ENG: variants seen among roughly 807,000 people sequenced by gnomAD.
ENG encodes the protein CD105 antigen.
In ENG, 17 loss-of-function variants were observed where a neutral mutation model predicts 71.0. The ratio of observed to expected loss-of-function variants is 0.24; its 90% confidence interval spans 0.16 to 0.36. The LOEUF (loss-of-function observed/expected upper bound fraction) is 0.36, where lower values mean the gene tolerates loss of function less well. ENG is among the 10% of genes least tolerant of loss of function. ENG has a pLI of 1.00. For missense variants in ENG, 749 were observed against 868.3 expected (o/e 0.86, Z 1.73); for synonymous variants, 360 against 366.9 (o/e 0.98, Z 0.21).
intron 2 of ENG, among the ~76,000 whole-genome samples, chr9:127,835,653 C>CAG (rs1431841897): frequency 6.6e-6 from 1 of 152,156 alleles, no homozygotes; most frequent in Non-Finnish European, 1.5e-5. Context: ...CCATGGCCAT[C>CAG]CAGTCCTACT....
intron 2 of ENG, among the ~76,000 whole-genome samples, chr9:127,842,683 A>G (rs973170624): frequency 6.6e-6 from 1 of 152,110 alleles, no homozygotes; most frequent in Non-Finnish European, 1.5e-5. Context: ...TCGGCCTCCT[A>G]AAGTGCTGGA....
chr9:127,854,253 G>A lies in ENG; in HGVS notation c.67+36C>T, dbSNP rs772017029. On this transcript the variant is annotated intron_variant, in intron 1 of 14. Coordinates refer to ENST00000373203, the MANE Select transcript of ENG (RefSeq NM_001114753.3). ...TTGGGGCCTGGTCCGTGCACCGGAG[G>A]CCGAGTCTCCCCACCCTGGGTCCCT... 5 of 1,557,132 alleles carry A rather than the reference G, an allele frequency of 3.2e-6. No homozygotes were observed. In the East Asian group the frequency reaches 9.7e-5, roughly 30 times the overall value.
At chr9:127,830,234 G>T (rs566028462) in intron 2 of ENG, among the ~76,000 whole-genome samples, 3 of 151,074 alleles carry the variant, frequency 2.0e-5, no homozygotes, top group African/African-American at 7.3e-5. Context: ...CTCAGCCACT[G>T]GGGAGGCTGA....
intron 6 of ENG, 37 bp from the exon 7 acceptor site, chr9:127,825,011 GAC>G (rs767446475): frequency 2.5e-6 from 4 of 1,605,200 alleles, no homozygotes; most frequent in Middle Eastern, 3.3e-4. Flanking sequence ...GGGGGCCATG[GAC>G]ACAGTCTGTG....
At chr9:127,842,702 C>T (rs1377283157) in intron 2 of ENG, among the ~76,000 whole-genome samples, 1 of 152,200 alleles carries the variant, frequency 6.6e-6, no homozygotes, top group Non-Finnish European at 1.5e-5. Context: ...GAATTACAGG[C>T]GTGAGCCACT....
In ENG at chr9:127,815,278, C is replaced by T. The variant is rs1226620912; in HGVS notation, c.*404G>A. On this transcript the variant is annotated 3_prime_UTR_variant, in exon 15 of 15. Transcript: ENST00000373203. Reference sequence around the variant, plus strand: ...AGATCCAGGTGGCTCTGGGCTGGGCCCTCTTCTCTTCCCAGCGGGGAGGTG... The same window carrying T: ...AGATCCAGGTGGCTCTGGGCTGGGCTCTCTTCTCTTCCCAGCGGGGAGGTG... 1 of 202,902 alleles carries T rather than the reference C, an allele frequency of 4.9e-6. No homozygotes were observed. Among genetic ancestry groups the T allele is most frequent in the Non-Finnish European group, 1.0e-5 (1 of 99,608 alleles). The allele number at this position is 202,902 out of a possible 1,614,324, so 12.6% of individuals were successfully genotyped here. A position where few individuals can be genotyped will look rare whatever the true frequency, so the allele number is the denominator to read the frequency against.
In ENG at chr9:127,815,669, C is replaced by A. The variant is rs770870799; in HGVS notation, c.*13G>T. On this transcript the variant is annotated 3_prime_UTR_variant, in exon 15 of 15. Transcript: ENST00000373203. ...CTCAGTCTCTCCTGCTGGGCGAGCG[C>A]GGGGGGCCGGGGCTATGCCATGCTG... 14 of 1,552,946 alleles carry A rather than the reference C, an allele frequency of 9.0e-6. No individual in the cohort carries two copies. The South Asian group carries it at 9.4e-5, about 10-fold the overall frequency.
At chr9:127,833,454 G>A (rs1425044100) in intron 2 of ENG, among the ~76,000 whole-genome samples, 6 of 151,328 alleles carry the variant, frequency 4.0e-5, no homozygotes, top group Admixed American at 1.3e-4. Context: ...CCCAGGAGGC[G>A]GAGGTTGTGG....
chr9:127,843,013 GC>G (rs1831076891), intron 2 of ENG, 80 bp downstream of exon 2: 1 of 1,604,534 alleles, frequency 6.2e-7, no homozygotes, highest in South Asian at 1.1e-5. Context: ...CCCAGGGACA[GC>G]CACAAGGAAG....
chr9:127,821,775 C>T (rs984972334), intron 8 of ENG, among the ~76,000 whole-genome samples: 4 of 149,690 alleles, frequency 2.7e-5, no homozygotes, highest in East Asian at 2.0e-4. Context: ...CCCAGCTACT[C>T]GGGAGGCTGA....
chr9:127,844,516 A>AG (rs1831125533), intron 1 of ENG, among the ~76,000 whole-genome samples: 1 of 100,586 alleles, frequency 9.9e-6, no homozygotes, highest in Non-Finnish European at 2.4e-5. Context: ...CTCAGCCTCA[A>AG]CCTCCCAGGC....
intron 1 of ENG, among the ~76,000 whole-genome samples, chr9:127,852,426 G>A (rs768578983): frequency 1.3e-5 from 2 of 152,086 alleles, no homozygotes; most frequent in Non-Finnish European, 1.5e-5. Flanking sequence ...GCCTTCCATG[G>A]GCCTCAGCTT....
intron 2 of ENG, among the ~76,000 whole-genome samples, chr9:127,832,294 C>A (rs1830785744): frequency 6.6e-6 from 1 of 151,940 alleles, no homozygotes; most frequent in South Asian, 2.1e-4. Flanking sequence ...AGACTGGTCT[C>A]AAACTCTTGA....
rs1830385285 is a variant in ENG, at chr9:127,818,342, G to A, written c.1464C>T (p.Leu488=). The change falls in exon 12 of 15, where the codon CTC becomes CTT. Residue 488 remains leucine (L), a synonymous_variant. Coordinates refer to ENST00000373203, the MANE Select transcript of ENG (RefSeq NM_001114753.3). ...RVSPSVSEFL[L]QLDSCHLDLG... Reference sequence around the variant, plus strand: ...AGTCCAGGTGGCAGCTGTCTAACTGGAGCAGGAACTCGGAGACGGATGGGG... The same window carrying A: ...AGTCCAGGTGGCAGCTGTCTAACTGAAGCAGGAACTCGGAGACGGATGGGG... 1.9e-6 allele frequency: 3 copies of A among 1,614,036 alleles called. No individual in the cohort carries two copies. Among genetic ancestry groups the A allele is most frequent in the East Asian group, 4.5e-5 (2 of 44,886 alleles).
chr9:127,818,072 A>C, intron 12 of ENG, 48 bp downstream of exon 12: 2 of 1,613,328 alleles, frequency 1.2e-6, no homozygotes, highest in Non-Finnish European at 1.7e-6. Flanking sequence ...CAAACCACAG[A>C]CCTGGAAGCT....
chr9:127,825,494 A>T, intron 5 of ENG, 137 bp from the exon 6 acceptor site: 2 of 1,377,116 alleles, frequency 1.5e-6, no homozygotes, highest in Admixed American at 3.8e-5. Flanking sequence ...GACTGGGGCC[A>T]GGCTTGTGCC....
intron 11 of ENG, 150 bp downstream of exon 11, chr9:127,818,566 G>A: frequency 7.3e-7 from 1 of 1,364,806 alleles, no homozygotes; most frequent in Non-Finnish European, 1.0e-6. Flanking sequence ...CCTGAGCAAT[G>A]CCTTCTCTGT....
At chr9:127,823,707 A>T (rs1198946853) in intron 8 of ENG, among the ~76,000 whole-genome samples, 3 of 110,534 alleles carry the variant, frequency 2.7e-5, no homozygotes, top group African/African-American at 1.1e-4. Context: ...TCTGAGACAG[A>T]GTCTCACTCT....
At chr9:127,853,424 G>A (rs964029306) in intron 1 of ENG, among the ~76,000 whole-genome samples, 3 of 152,306 alleles carry the variant, frequency 2.0e-5, no homozygotes, top group Middle Eastern at 3.4e-3. Flanking sequence ...TGAGGTGGCC[G>A]AGGGATAGGG....
Sources: gnomAD v4.1 joint callset for allele counts (sites outside exome capture counted in the v4.1 genomes callset) on GRCh38, gnomAD v4.1.1 for gene constraint, MANE v1.5 for transcripts, NCBI Gene and HGNC (gene_info 2026-07-23, HGNC 2026-07-21) for gene names.